Variants in TBC1D22A observed in about 807,000 individuals in gnomAD.
TBC1D22A encodes the protein TBC1 domain family member 22A.
A neutral mutation model predicts 60.2 loss-of-function variants in TBC1D22A; 38 were observed. That is an observed-to-expected ratio of 0.63 (90% CI 0.49 to 0.83). TBC1D22A has a LOEUF of 0.83. Among genes scored for constraint, TBC1D22A ranks in the 40% least tolerant of loss-of-function variants. The pLI is 0.00. For missense variants in TBC1D22A, 628 were observed against 701.0 expected (o/e 0.90, Z 1.18); for synonymous variants, 302 against 281.7 (o/e 1.07, Z -0.72).
chr22:46,770,268 A>G (rs1054132619), intron 1 of TBC1D22A, among the ~76,000 whole-genome samples: 2 of 152,178 alleles, frequency 1.3e-5, no homozygotes, highest in Non-Finnish European at 2.9e-5. Flanking sequence ...CAGGAGAGCA[A>G]GGCCTTGCTC....
chr22:47,061,522 C>T (rs2063577404), intron 11 of TBC1D22A, among the ~76,000 whole-genome samples: 1 of 152,134 alleles, frequency 6.6e-6, no homozygotes, highest in Non-Finnish European at 1.5e-5. Flanking sequence ...GAGCGCAGAT[C>T]CAAGGGTGGC....
At chr22:47,113,772 T>C (rs2065932088) in intron 12 of TBC1D22A, among the ~76,000 whole-genome samples, 1 of 152,144 alleles carries the variant, frequency 6.6e-6, no homozygotes, top group African/African-American at 2.4e-5. Context: ...TGTGAATACG[T>C]GCAGAAGTGT....
In TBC1D22A at chr22:47,174,351, C is replaced by A. The variant is rs1321014935; in HGVS notation, c.*725C>A. 1 of 152,292 alleles carries A rather than the reference C, an allele frequency of 6.6e-6. No individual in the cohort carries two copies. The highest frequency in any genetic ancestry group is 1.9e-4 in the East Asian group (1 of 5,172). The allele number at this position is 152,292 out of a possible 1,614,324, so 9.4% of individuals were successfully genotyped here. On this transcript the variant is annotated 3_prime_UTR_variant, in exon 13 of 13. Transcript: ENST00000337137. The stretch of plus-strand genomic sequence containing the variant: ...TTTTACAAGAGAGAAACCCCCACCT[C>A]CCTGAGGTCCAGGGCCAAGTGGCCC...
intron 5 of TBC1D22A, 107 bp downstream of exon 5, chr22:46,878,830 C>A: frequency 1.9e-6 from 2 of 1,038,164 alleles, no homozygotes; most frequent in Non-Finnish European, 1.5e-6. Context: ...TTTGCCTTGG[C>A]TTTGTTGCAG....
intron 11 of TBC1D22A, among the ~76,000 whole-genome samples, chr22:47,037,583 C>T (rs2062697295): frequency 6.6e-6 from 1 of 152,158 alleles, no homozygotes; most frequent in Admixed American, 6.5e-5. Flanking sequence ...GGGAGCCAAG[C>T]TTGCGCCACT....
At chr22:46,920,874 G>A (rs968490693) in intron 8 of TBC1D22A, among the ~76,000 whole-genome samples, 4 of 151,618 alleles carry the variant, frequency 2.6e-5, no homozygotes, top group African/African-American at 9.7e-5. Context: ...GGGTTCAAGC[G>A]ATTCTCCTGT....
intron 4 of TBC1D22A, among the ~76,000 whole-genome samples, chr22:46,826,326 A>G (rs1440307090): frequency 2.0e-5 from 3 of 152,102 alleles, no homozygotes; most frequent in Non-Finnish European, 2.9e-5. Flanking sequence ...GTTTCTTCCA[A>G]GTTTTTCCCA....
At chr22:46,822,198 A>C (rs1360098394) in intron 4 of TBC1D22A, among the ~76,000 whole-genome samples, 2 of 151,932 alleles carry the variant, frequency 1.3e-5, no homozygotes, top group African/African-American at 4.8e-5. Context: ...CCTTTAGCTC[A>C]GTGTAGTTTT....
chr22:47,161,350 C>A (rs1409820885), intron 12 of TBC1D22A, among the ~76,000 whole-genome samples: 1 of 152,146 alleles, frequency 6.6e-6, no homozygotes, highest in Non-Finnish European at 1.5e-5. Flanking sequence ...ATGGGGGGCA[C>A]TGGGCTTCCC....
intron 12 of TBC1D22A, among the ~76,000 whole-genome samples, chr22:47,152,492 C>T (rs1321026603): frequency 6.6e-6 from 1 of 152,202 alleles, no homozygotes; most frequent in Non-Finnish European, 1.5e-5. Context: ...ATGGTGACCC[C>T]TCAGCCCACA....
At chr22:46,847,927 GT>G (rs1466443214) in intron 4 of TBC1D22A, among the ~76,000 whole-genome samples, 3 of 121,754 alleles carry the variant, frequency 2.5e-5, no homozygotes, top group South Asian at 2.4e-4. Context: ...GGGTGTGTGT[GT>G]GTGTGTGTGT....
chr22:47,129,833 C>T (rs955796111), intron 12 of TBC1D22A, among the ~76,000 whole-genome samples: 2 of 152,270 alleles, frequency 1.3e-5, no homozygotes, highest in African/African-American at 2.4e-5. Flanking sequence ...CCAGAGGCGC[C>T]GCTCAGCCTT....
intron 7 of TBC1D22A, among the ~76,000 whole-genome samples, chr22:46,901,079 A>C (rs1243464938): frequency 6.6e-6 from 1 of 152,148 alleles, no homozygotes; most frequent in Non-Finnish European, 1.5e-5. Context: ...TAATGTAGTG[A>C]ATTTTATTAG....
intron 9 of TBC1D22A, 40 bp from the exon 10 acceptor site, chr22:46,997,594 T>C: frequency 6.5e-7 from 1 of 1,547,516 alleles, no homozygotes; most frequent in Non-Finnish European, 8.9e-7. Context: ...GTTTGTTTTA[T>C]TTTATATGCA....
chr22:46,963,082 G>T (rs773505686), intron 8 of TBC1D22A, among the ~76,000 whole-genome samples: 2 of 151,914 alleles, frequency 1.3e-5, no homozygotes, highest in Admixed American at 1.3e-4. Context: ...TTAGCTGGGC[G>T]TGGTGGTGGG....
intron 4 of TBC1D22A, among the ~76,000 whole-genome samples, chr22:46,855,090 C>T (rs1306379681): frequency 6.6e-6 from 1 of 152,192 alleles, no homozygotes; most frequent in Non-Finnish European, 1.5e-5. Flanking sequence ...CAGGAAGCCT[C>T]CTCCACCTGT....
chr22:46,813,324 A>G (rs2147049680), intron 4 of TBC1D22A, among the ~76,000 whole-genome samples: 1 of 152,326 alleles, frequency 6.6e-6, no homozygotes, highest in South Asian at 2.1e-4. Flanking sequence ...AAAGAATAAG[A>G]TCTATTTAGC....
At chr22:46,831,147 C>T (rs1442016626) in intron 4 of TBC1D22A, among the ~76,000 whole-genome samples, 1 of 152,176 alleles carries the variant, frequency 6.6e-6, no homozygotes, top group Non-Finnish European at 1.5e-5. Flanking sequence ...GACGAAATCA[C>T]CCAGTGGGCT....
In TBC1D22A at chr22:46,894,725, C is replaced by T. The variant is rs376006994; in HGVS notation, c.838-59C>T. On this transcript the variant is annotated intron_variant, in intron 6 of 12. Coordinates refer to ENST00000337137, the MANE Select transcript of TBC1D22A (RefSeq NM_014346.5). ...CTCAGTATTGCTGTTTTAATCATATCGCTCGTAATGATGTTTGTTGTGACG... is the reference window on the plus strand; with the variant it reads ...CTCAGTATTGCTGTTTTAATCATATTGCTCGTAATGATGTTTGTTGTGACG... 91 of 1,595,108 alleles carry T rather than the reference C, an allele frequency of 5.7e-5. 1 individual carries two copies. The African/African-American group carries it at 7.6e-4, about 13-fold the overall frequency.
Sources: gnomAD v4.1 joint callset for allele counts (sites outside exome capture counted in the v4.1 genomes callset) on GRCh38, gnomAD v4.1.1 for gene constraint, MANE v1.5 for transcripts, NCBI Gene and HGNC (gene_info 2026-07-23, HGNC 2026-07-21) for gene names.